The following OTOS variants were observed in gnomAD, a reference collection of about 807,000 sequenced individuals.
The protein encoded by OTOS is otospiralin.
In OTOS, 14 loss-of-function variants were observed where a neutral mutation model predicts 12.5. The observed-to-expected ratio is 1.12, with a 90% CI of 0.74 to 1.76. OTOS has a LOEUF of 1.76. Among genes scored for constraint, OTOS ranks in the 40% most tolerant of loss-of-function variants. The pLI, the probability that OTOS is intolerant of heterozygous loss-of-function variation, is 0.00. For synonymous variants in OTOS, 49 were observed against 47.6 expected (o/e 1.03, Z -0.12); for missense variants, 141 against 112.8 (o/e 1.25, Z -1.13).
At chr2:240,139,825 G>C (rs1214071364) in intron 3 of OTOS, among the ~76,000 whole-genome samples, 1 of 152,180 alleles carries the variant, frequency 6.6e-6, no homozygotes, top group Non-Finnish European at 1.5e-5. Context: ...CCCCTGCCCA[G>C]TGTGTTCCCT....
intron 3 of OTOS, 22 bp from the exon 4 acceptor site, chr2:240,139,376 C>T: frequency 6.3e-7 from 1 of 1,597,132 alleles, no homozygotes; most frequent in Non-Finnish European, 8.6e-7. Flanking sequence ...AAGACACCTG[C>T]CTTGGGGGCT....
At position 240,140,316 on chromosome 2, in the gene OTOS, C is replaced by T. The variant is rs867134586; in HGVS notation, c.11G>A (p.Cys4Tyr). 6.3e-7 allele frequency: 1 copy of T among 1,593,622 alleles called. No individual in the cohort carries two copies. Among genetic ancestry groups the T allele is most frequent in the Admixed American group, 1.7e-5 (1 of 57,460 alleles). Residue 4 changes from cysteine (C) to tyrosine (Y), a missense_variant, in exon 2 of 4, where the codon TGC (cysteine) becomes TAC (tyrosine). Cys to Tyr is a radical substitution (Grantham distance 194). Coordinates refer to ENST00000319460, the MANE Select transcript of OTOS (RefSeq NM_148961.4). ...GCAGAGGGCCAGCCCCGGCACCATG[C>T]AGGCCTGCATCTTCCCGGTGCTTCC... MQA[C>Y]MVPGLALCLL...
Position 240,140,348 on chromosome 2 carries a change from G to T in OTOS, c.-22C>A, listed in dbSNP as rs1412712302. ...GCATCTTCCCGGTGCTTCCTGATCT[G>T]CGACTCAGGCCCACCTGCAGCAGGA... On this transcript the variant is annotated 5_prime_UTR_variant, in exon 2 of 4. Transcript: ENST00000319460. 4 of 1,560,920 alleles carry T rather than the reference G, an allele frequency of 2.6e-6. No homozygotes were observed. The African/African-American group carries it at 4.1e-5, about 16-fold the overall frequency.
At chr2:240,139,377 C>T (rs1380229368) in intron 3 of OTOS, 23 bp from the exon 4 acceptor site, 1 of 1,596,552 alleles carries the variant, frequency 6.3e-7, no homozygotes, top group Non-Finnish European at 8.6e-7. Context: ...AGACACCTGC[C>T]TTGGGGGCTG....
rs762783406 is a variant in OTOS, at chr2:240,139,212, C to G, written c.228G>C (p.Leu76=). ...MARTFFAHFP[L]GSTLGFHVPY... is the part of the protein sequence containing the mutation. The stretch of plus-strand genomic sequence containing the variant: ...GAACGTGGAAGCCCAGCGTGCTCCC[C>G]AGGGGGAAGTGGGCAAAGAAGGTTC... The change falls in exon 4 of 4, where the codon CTG becomes CTC. Residue 76 remains leucine, a synonymous_variant. Coordinates refer to ENST00000319460, the MANE Select transcript of OTOS (RefSeq NM_148961.4). 6.2e-7 allele frequency: 1 copy of G among 1,614,078 alleles called. No homozygotes were observed. Among genetic ancestry groups the G allele is most frequent in the Non-Finnish European group, 8.5e-7 (1 of 1,180,016 alleles).
intron 1 of OTOS, 38 bp from the exon 2 acceptor site, chr2:240,140,482 A>C: frequency 1.4e-6 from 1 of 725,746 alleles, no homozygotes; most frequent in East Asian, 2.9e-5. Context: ...AAAAATTCTT[A>C]CTGTTTTCCT....
chr2:240,139,928 G>A, intron 3 of OTOS, 134 bp downstream of exon 3: 1 of 1,019,760 alleles, frequency 9.8e-7, no homozygotes, highest in Non-Finnish European at 1.4e-6. Context: ...TGTTTTCCAT[G>A]CTTGGGCCTG....
chr2:240,139,443 G>A, intron 3 of OTOS, 89 bp from the exon 4 acceptor site: 1 of 1,382,752 alleles, frequency 7.2e-7, no homozygotes, highest in Non-Finnish European at 9.9e-7. Context: ...CAAGTGGATG[G>A]TTCCCAGCTC....
In OTOS at chr2:240,140,191, G is replaced by A. The variant is rs569151145; in HGVS notation, c.58+78C>T. 23 of 1,591,224 alleles carry A rather than the reference G, an allele frequency of 1.4e-5. No homozygotes were observed. The East Asian group carries it at 3.6e-4, about 25-fold the overall frequency. ...GCTCTAAGGTTTCCTAGCAGCCTGG[G>A]GATGCATGCGGGAGGGGAGAGAACA... On this transcript the variant is annotated intron_variant, in intron 2 of 3. Transcript: ENST00000319460.
chr2:240,139,148 C>T lies in OTOS; in HGVS notation c.*22G>A, dbSNP rs762720806. 29 of 1,602,334 alleles carry T rather than the reference C, an allele frequency of 1.8e-5. No individual in the cohort carries two copies. Among genetic ancestry groups the T allele is most frequent in the East Asian group, 2.2e-5 (1 of 44,674 alleles). On this transcript the variant is annotated 3_prime_UTR_variant, in exon 4 of 4. Transcript: ENST00000319460. ...ACCGAGTGCAGCCTGGCGGGGTGGG[C>T]GGGCACCAGGCTGGACACCATTCAG...
intron 2 of OTOS, 69 bp from the exon 3 acceptor site, chr2:240,140,157 A>C: frequency 6.2e-7 from 1 of 1,604,546 alleles, no homozygotes; most frequent in East Asian, 2.2e-5. Flanking sequence ...ACCCGACACC[A>C]GCTGCAGGGC....
chr2:240,140,202 G>A, intron 2 of OTOS, 67 bp downstream of exon 2: 4 of 1,589,708 alleles, frequency 2.5e-6, no homozygotes, highest in Admixed American at 3.5e-5. Context: ...GATGCATGCG[G>A]GAGGGGAGAG....
At position 240,139,277 on chromosome 2, in the gene OTOS, G is replaced by C. The variant is rs1388945428; in HGVS notation, c.163C>G (p.Gln55Glu). ...ATCTGGGGGTAGGCCCCCAGGGCCT[G>C]GAAGTGCTGCACATAGTTCCAGAAG... Reference protein sequence around the residue: ...SDFWNYVQHFQALGAYPQIED... With the variant: ...SDFWNYVQHFEALGAYPQIED... The change falls in exon 4 of 4, where the codon CAG (glutamine) becomes GAG (glutamate). Residue 55 changes from glutamine (Q) to glutamate (E), a missense_variant. Gln to Glu is a conservative substitution (Grantham distance 29). Coordinates refer to ENST00000319460, the MANE Select transcript of OTOS (RefSeq NM_148961.4). 6.2e-7 allele frequency: 1 copy of C among 1,614,210 alleles called. No homozygotes were observed. Among genetic ancestry groups the C allele is most frequent in the South Asian group, 1.1e-5 (1 of 91,092 alleles).
chr2:240,140,333 G>T lies in OTOS; in HGVS notation c.-7C>A, dbSNP rs775908430. ...GCACCATGCAGGCCTGCATCTTCCC[G>T]GTGCTTCCTGATCTGCGACTCAGGC... On this transcript the variant is annotated 5_prime_UTR_variant, in exon 2 of 4. Coordinates refer to ENST00000319460, the MANE Select transcript of OTOS (RefSeq NM_148961.4). The T allele has an allele frequency of 6.3e-7, 1 of 1,578,032 alleles. No homozygotes were observed. Among genetic ancestry groups the T allele is most frequent in the Admixed American group, 1.8e-5 (1 of 55,442 alleles).
chr2:240,140,227 C>T (rs184371629), intron 2 of OTOS, 42 bp downstream of exon 2: 97 of 1,583,968 alleles, frequency 6.1e-5, no homozygotes, highest in South Asian at 2.3e-4. Context: ...GGAGGGCTGT[C>T]GGGGGTCCTG....
chr2:240,139,336 G>A lies in OTOS; in HGVS notation c.104C>T (p.Pro35Leu), dbSNP rs528430205. The change falls in exon 4 of 4, where the codon CCG becomes CTG. Residue 35 changes from proline to leucine, a missense_variant. By Grantham distance (98) the Pro-to-Leu change is moderately conservative (BLOSUM62 -3). Transcript: ENST00000319460. ...GGAGAAAGGCCAGTAGGGCATGGCCGGCAGCTCCGCGTAAGGGTCTGAAAG... is the reference window on the plus strand; with the variant it reads ...GGAGAAAGGCCAGTAGGGCATGGCCAGCAGCTCCGCGTAAGGGTCTGAAAG... ...QEEGDPYAELPAMPYWPFSTS... is the reference protein window; with the variant it reads ...QEEGDPYAELLAMPYWPFSTS... The A allele has an allele frequency of 1.8e-5, 29 of 1,613,606 alleles. No homozygotes were observed. The highest frequency in any genetic ancestry group is 9.3e-5 in the African/African-American group (7 of 75,072).
Position 240,140,448 on chromosome 2 carries a change from G to T in OTOS, c.-118-4C>A. 1 of 1,003,476 alleles carries T rather than the reference G, an allele frequency of 1.0e-6. No individual in the cohort carries two copies. Among genetic ancestry groups the T allele is most frequent in the East Asian group, 2.8e-5 (1 of 35,362 alleles). The allele number at this position is 1,003,476 out of a possible 1,614,324, so 62.2% of individuals were successfully genotyped here. On this transcript the variant is annotated splice_polypyrimidine_tract_variant and splice_region_variant and intron_variant, in intron 1 of 3. Coordinates refer to ENST00000319460, the MANE Select transcript of OTOS (RefSeq NM_148961.4). ...ACCAGTCCCAGTGTGGGCAGCCCTG[G>T]GGAAAATGGCATGGATTTAAAAAAA...
chr2:240,139,971 G>A (rs941180433), intron 3 of OTOS, 91 bp downstream of exon 3: 68 of 1,474,112 alleles, frequency 4.6e-5, no homozygotes, highest in Non-Finnish European at 6.1e-5. Flanking sequence ...CGTCTGCTTG[G>A]GATAAGAAGC....
At position 240,139,260 on chromosome 2, in the gene OTOS, G is replaced by T. The variant is rs374202325; in HGVS notation, c.180C>A (p.Tyr60Ter). The T allele has an allele frequency of 2.5e-6, 4 of 1,614,094 alleles. No homozygotes were observed. The highest frequency in any genetic ancestry group is 3.4e-6 in the Non-Finnish European group (4 of 1,180,030). ...YVQHFQALGA[Y>*]PQIEDMARTF... ...TTCGGGCCATGTCCTCGATCTGGGGGTAGGCCCCCAGGGCCTGGAAGTGCT... is the reference window on the plus strand; with the variant it reads ...TTCGGGCCATGTCCTCGATCTGGGGTTAGGCCCCCAGGGCCTGGAAGTGCT... The change falls in exon 4 of 4, where the codon TAC becomes TAA. Residue 60 changes from tyrosine to a stop codon, truncating the protein, a stop_gained. Transcript: ENST00000319460. LOFTEE classifies it high-confidence loss of function.
Sources: allele counts gnomAD v4.1 joint callset (sites outside exome capture counted in the v4.1 genomes callset), GRCh38; gene constraint gnomAD v4.1.1; transcripts MANE v1.5; gene names NCBI Gene and HGNC (gene_info 2026-07-23, HGNC 2026-07-21).